The following LNP1 variants were observed in gnomAD, a reference collection of about 807,000 sequenced individuals.
LNP1 encodes leukemia NUP98 fusion partner 1.
LNP1 carries 12 observed loss-of-function variants against 14.5 expected under a neutral mutation model. The ratio of observed to expected loss-of-function variants is 0.83; its 90% CI spans 0.53 to 1.34. LNP1 has a LOEUF of 1.34. Among genes scored for constraint, LNP1 ranks in the 40% most tolerant of loss-of-function variants. The pLI, the probability that LNP1 is intolerant of heterozygous loss-of-function variation, is 0.00. For missense variants in LNP1, 198 were observed against 210.9 expected, an observed-to-expected ratio of 0.94 and a Z score of 0.38; for synonymous variants, 75 against 71.4, an observed-to-expected ratio of 1.05 and a Z score of -0.26.
At chr3:100,434,415 A>C (rs866815410) in intron 2 of LNP1, among the ~76,000 whole-genome samples, 5 of 151,362 alleles carry the variant, frequency 3.3e-5, no homozygotes, top group African/African-American at 1.2e-4. Context: ...ATTCTGTTCC[A>C]CTGGTCTATG....
intron 2 of LNP1, among the ~76,000 whole-genome samples, chr3:100,438,634 C>A (rs1327425202): frequency 6.6e-6 from 1 of 152,168 alleles, no homozygotes; most frequent in Non-Finnish European, 1.5e-5. Context: ...GAACCAATGA[C>A]TTGGGGACAG....
intron 1 of LNP1, among the ~76,000 whole-genome samples, chr3:100,424,605 A>G (rs985073556): frequency 5.3e-5 from 8 of 152,244 alleles, no homozygotes; most frequent in Non-Finnish European, 1.2e-4. Flanking sequence ...CCAGATTTGC[A>G]GAAGAAAGTC....
intron 2 of LNP1, among the ~76,000 whole-genome samples, chr3:100,433,371 A>G (rs1283350955): frequency 1.3e-5 from 2 of 152,186 alleles, no homozygotes; most frequent in African/African-American, 4.8e-5. Flanking sequence ...TTCCAGCTTC[A>G]TCTATGTCCC....
At chr3:100,429,673 G>T in intron 1 of LNP1, 24 bp from the exon 2 acceptor site, 1 of 1,496,556 alleles carries the variant, frequency 6.7e-7, no homozygotes, top group Non-Finnish European at 9.2e-7. Context: ...CCTGTTGGGT[G>T]ATATTTCCCT....
intron 1 of LNP1, among the ~76,000 whole-genome samples, chr3:100,425,686 G>A (rs147182465): frequency 0.014 from 2,114 of 152,282 alleles, 47 homozygotes; most frequent in African/African-American, 0.049. Flanking sequence ...AGGGTTGGGT[G>A]TAAGAGGGAC....
chr3:100,411,672 C>T (rs532414235), intron 1 of LNP1, among the ~76,000 whole-genome samples: 59 of 152,262 alleles, frequency 3.9e-4, no homozygotes, highest in African/African-American at 1.3e-3. Flanking sequence ...CTGTAGGCCA[C>T]CTTCCCTCTG....
chr3:100,402,693 T>C (rs1248367305), intron 1 of LNP1, among the ~76,000 whole-genome samples: 2 of 152,184 alleles, frequency 1.3e-5, no homozygotes, highest in Admixed American at 6.5e-5. Context: ...CTTGGAGGAT[T>C]GTAGAGTGCT....
chr3:100,453,873 A>G (rs1043233167), intron 3 of LNP1, among the ~76,000 whole-genome samples: 8 of 152,108 alleles, frequency 5.3e-5, no homozygotes, highest in Admixed American at 5.2e-4. Context: ...CATAAACCTT[A>G]CTTATATTTT....
chr3:100,455,681 C>A (rs1471507795), intron 3 of LNP1, 96 bp from the exon 4 acceptor site: 1 of 1,186,092 alleles, frequency 8.4e-7, no homozygotes, highest in Non-Finnish European at 1.2e-6. Flanking sequence ...GTCTGCTAAA[C>A]CATCAGGGCT....
intron 2 of LNP1, 140 bp downstream of exon 2, chr3:100,430,025 G>A (rs557222706): frequency 5.7e-5 from 45 of 789,336 alleles, no homozygotes; most frequent in African/African-American, 5.2e-4. Flanking sequence ...CATACCCACA[G>A]AAATCTCTCT....
At chr3:100,404,280 C>T (rs1251666553) in intron 1 of LNP1, among the ~76,000 whole-genome samples, 2 of 152,172 alleles carry the variant, frequency 1.3e-5, no homozygotes, top group African/African-American at 4.8e-5. Context: ...TTTTCCTTGG[C>T]TTCAGGAGAA....
intron 3 of LNP1, among the ~76,000 whole-genome samples, chr3:100,452,277 A>ACTG (rs1397328389): frequency 1.4e-5 from 2 of 144,836 alleles, no homozygotes; most frequent in African/African-American, 5.2e-5. Flanking sequence ...ATCATGGCTC[A>ACTG]CTGCAGCCTC....
At chr3:100,417,183 G>A (rs1011242225) in intron 1 of LNP1, among the ~76,000 whole-genome samples, 1 of 151,708 alleles carries the variant, frequency 6.6e-6, no homozygotes, top group Non-Finnish European at 1.5e-5. Flanking sequence ...TAATCTAATC[G>A]TCTTTTCCTT....
rs1225995481 is a variant in LNP1, at chr3:100,429,808, G to C, written c.79G>C (p.Glu27Gln). The C allele has an allele frequency of 6.2e-7, 1 of 1,613,984 alleles. No individual in the cohort carries two copies. The highest frequency in any genetic ancestry group is 2.2e-5 in the East Asian group (1 of 44,862). Reference sequence around the variant, plus strand: ...CAGCTTCTGGGGCCACAGCTGGAGAGAGGAGGATCAGAGAGGACTCCGGGA... The same window carrying C: ...CAGCTTCTGGGGCCACAGCTGGAGACAGGAGGATCAGAGAGGACTCCGGGA... ...MSSFWGHSWR[E>Q]EDQRGLRERH... is the part of the protein sequence containing the mutation. The change falls in exon 2 of 4, where the codon GAG (glutamate) becomes CAG (glutamine). Residue 27 changes from glutamate (E) to glutamine (Q), a missense_variant. Coordinates refer to ENST00000383693, the MANE Select transcript of LNP1 (RefSeq NM_001085451.2).
chr3:100,409,260 G>T (rs899732615), intron 1 of LNP1, among the ~76,000 whole-genome samples: 1 of 152,120 alleles, frequency 6.6e-6, no homozygotes, highest in Non-Finnish European at 1.5e-5. Flanking sequence ...CTTAGGTGTA[G>T]AGCCTAGTGA....
chr3:100,446,896 A>G (rs1261196401), intron 2 of LNP1, among the ~76,000 whole-genome samples: 1 of 152,222 alleles, frequency 6.6e-6, no homozygotes, highest in African/African-American at 2.4e-5. Context: ...CAAAACCACA[A>G]TGAGATACCA....
chr3:100,408,569 A>G (rs1408300545), intron 1 of LNP1, among the ~76,000 whole-genome samples: 1 of 152,120 alleles, frequency 6.6e-6, no homozygotes, highest in East Asian at 1.9e-4. Flanking sequence ...TAGTTGGCTG[A>G]TGGTGATGTG....
At position 100,447,600 on chromosome 3, in the gene LNP1, T is replaced by TA. The variant is rs921016626; in HGVS notation, c.157-4110dup. 4.3e-5 allele frequency among the ~76,000 whole-genome samples: 6 copies of TA among 140,046 alleles called. 1 individual carries two copies. The highest frequency in any genetic ancestry group is 1.4e-4 in the Admixed American group (2 of 14,270). The allele number at this position is 140,046 out of a possible 152,430, so 91.9% of individuals were successfully genotyped here. On this transcript the variant is annotated intron_variant, in intron 2 of 3. Coordinates refer to ENST00000383693, the MANE Select transcript of LNP1 (RefSeq NM_001085451.2). ...GTACCCTAGAACTTAAAGTATAATT[T>TA]AAAAAAAAAGAATTAAAAAAAAAAT...
chr3:100,427,742 G>C (rs1707207659), intron 1 of LNP1, among the ~76,000 whole-genome samples: 2 of 152,146 alleles, frequency 1.3e-5, no homozygotes, highest in South Asian at 4.1e-4. Flanking sequence ...AAGGCATATG[G>C]GGTACAGTCT....
Sources: gnomAD v4.1 joint callset for allele counts (sites outside exome capture counted in the v4.1 genomes callset) on GRCh38, gnomAD v4.1.1 for gene constraint, MANE v1.5 for transcripts, NCBI Gene and HGNC (gene_info 2026-07-23, HGNC 2026-07-21) for gene names.